The following KNTC1 variants were observed in gnomAD, a reference collection of about 807,000 sequenced individuals.
KNTC1 encodes the protein kinetochore associated 1.
A neutral mutation model predicts 314.4 loss-of-function variants in KNTC1; 253 were observed. That is an observed-to-expected ratio of 0.80 (90% CI 0.73 to 0.89). The LOEUF (loss-of-function observed/expected upper bound fraction) is 0.89. Ranked by LOEUF, KNTC1 falls within the 40% of genes least tolerant of loss-of-function variation. The probability of loss-of-function intolerance (pLI) is 0.00; values close to 1 mark genes in which losing one functional copy is unlikely to be tolerated. For missense variants in KNTC1, 2,475 were observed against 2,572.9 expected, an observed-to-expected ratio of 0.96 and a Z score of 0.82; for synonymous variants, 901 against 901.4, an observed-to-expected ratio of 1.00 and a Z score of 0.01.
intron 48 of KNTC1, among the ~76,000 whole-genome samples, chr12:122,604,086 G>GAC (rs149481197): frequency 2.3e-4 from 35 of 150,548 alleles, no homozygotes; most frequent in East Asian, 9.7e-4. Context: ...AACACAGACT[G>GAC]ACACACACAC....
chr12:122,597,094 C>G (rs1046809502), intron 43 of KNTC1: 4 of 152,188 alleles, frequency 2.6e-5, no homozygotes, highest in Admixed American at 2.6e-4. Context: ...CTGCAGAAGA[C>G]ATCCTTACTA....
chr12:122,580,839 T>C (rs1437036133), intron 33 of KNTC1, among the ~76,000 whole-genome samples, 169 bp downstream of exon 33: 2 of 152,100 alleles, frequency 1.3e-5, no homozygotes, highest in Admixed American at 1.3e-4. Flanking sequence ...TCATCCTGGC[T>C]AACACGGTGA....
At chr12:122,532,967 A>C (rs1487697515) in intron 2 of KNTC1, among the ~76,000 whole-genome samples, 1 of 152,160 alleles carries the variant, frequency 6.6e-6, no homozygotes, top group African/African-American at 2.4e-5. Flanking sequence ...AGTCCCAGCT[A>C]CTCAGGCTGA....
intron 48 of KNTC1, 130 bp downstream of exon 48, chr12:122,603,373 A>G: frequency 1.4e-6 from 1 of 727,726 alleles, no homozygotes; most frequent in Non-Finnish European, 2.2e-6. Context: ...GAATGCTGAA[A>G]CGCTCAAGGG....
At chr12:122,547,599 C>G (rs962423309) in intron 11 of KNTC1, 69 bp downstream of exon 11, 9 of 989,668 alleles carry the variant, frequency 9.1e-6, no homozygotes. Flanking sequence ...TGGTTTTGTT[C>G]AGGTCATTTA....
At position 122,551,363 on chromosome 12, in the gene KNTC1, G is replaced by A; in HGVS notation, c.1130+1G>A. ...AAGGAGTTTGCAAAAATGATCCAAAGTAGGTCATGTTTTACCGTGTTAAGT... is the reference window on the plus strand; with the variant it reads ...AAGGAGTTTGCAAAAATGATCCAAAATAGGTCATGTTTTACCGTGTTAAGT... On this transcript the variant is annotated splice_donor_variant, in intron 14 of 63. Coordinates refer to ENST00000333479, the MANE Select transcript of KNTC1 (RefSeq NM_014708.6). LOFTEE classifies it high-confidence loss of function. The A allele has an allele frequency of 6.3e-7, 1 of 1,594,992 alleles. No individual in the cohort carries two copies. The highest frequency in any genetic ancestry group is 2.2e-5 in the East Asian group (1 of 44,658).
Position 122,618,371 on chromosome 12 carries a change from G to T in KNTC1, c.6059G>T (p.Arg2020Leu), listed in dbSNP as rs375343576. ...CCCTACTTCAGCAAAGCGTGGCAGC[G>T]TGTGATACAGATACCACTGCTTTCA... ...QVPYFSKAWQRVIQIPLLSAS... is the reference protein window; with the variant it reads ...QVPYFSKAWQLVIQIPLLSAS... The change falls in exon 58 of 64, where the codon CGT (arginine) becomes CTT (leucine). Residue 2020 changes from arginine to leucine, a missense_variant. Physicochemically the swap from Arg to Leu is moderately radical, Grantham distance 102. Transcript: ENST00000333479. 4.3e-6 allele frequency: 7 copies of T among 1,613,752 alleles called. No homozygotes were observed. In the South Asian group the frequency reaches 6.6e-5, roughly 15 times the overall value.
intron 47 of KNTC1, 64 bp downstream of exon 47, chr12:122,602,951 A>T (rs1291202064): frequency 6.4e-7 from 1 of 1,554,580 alleles, no homozygotes; most frequent in Non-Finnish European, 8.8e-7. Flanking sequence ...CCCGTATAGA[A>T]GATTTTTCTG....
rs1361824626 is a variant in KNTC1 at position 122,557,210 on chromosome 12, A to C, written c.1273-174A>C. On this transcript the variant is annotated intron_variant, in intron 16 of 63. Transcript: ENST00000333479. ...AGAAATGGTTCCCATACCTGCTAAT[A>C]ATCTGGTTCACCTCTCAGATATCTG... is the stretch of plus-strand genomic sequence containing the variant. Among the ~76,000 whole-genome samples the C allele has an allele frequency of 4.6e-5, 7 of 152,262 alleles. No individual in the cohort carries two copies. The East Asian group carries it at 1.4e-3, about 29-fold the overall frequency.
intron 62 of KNTC1, among the ~76,000 whole-genome samples, chr12:122,624,355 ACCT>A (rs1874776430): frequency 6.6e-6 from 1 of 151,834 alleles, no homozygotes; most frequent in South Asian, 2.1e-4. Context: ...TGCTGCCCCA[ACCT>A]CCTGGGTTCA....
chr12:122,549,299 C>T (rs765893150), intron 12 of KNTC1, among the ~76,000 whole-genome samples: 10 of 152,010 alleles, frequency 6.6e-5, no homozygotes, highest in South Asian at 2.1e-4. Context: ...TCAAGTGATC[C>T]GCCTGCCTCG....
At chr12:122,618,156 G>C (rs1240178879) in intron 57 of KNTC1, among the ~76,000 whole-genome samples, 187 bp from the exon 58 acceptor site, 1 of 152,116 alleles carries the variant, frequency 6.6e-6, no homozygotes, top group Non-Finnish European at 1.5e-5. Context: ...ATTTTTAGTA[G>C]AGACGGGGTT....
chr12:122,615,252 G>A (rs1423276737), intron 56 of KNTC1, among the ~76,000 whole-genome samples, 166 bp downstream of exon 56: 1 of 152,196 alleles, frequency 6.6e-6, no homozygotes, highest in Non-Finnish European at 1.5e-5. Flanking sequence ...AGACCAGAGA[G>A]TGCAAAATCC....
chr12:122,613,465 A>G (rs1421044394), intron 54 of KNTC1, 161 bp from the exon 55 acceptor site: 1 of 677,878 alleles, frequency 1.5e-6, no homozygotes, highest in African/African-American at 1.8e-5. Flanking sequence ...TCTTGTTCAA[A>G]TTGATTTCTA....
At chr12:122,561,713 C>A (rs1487503734) in intron 18 of KNTC1, among the ~76,000 whole-genome samples, 1 of 152,122 alleles carries the variant, frequency 6.6e-6, no homozygotes, top group Non-Finnish European at 1.5e-5. Flanking sequence ...CTCAGCCTTC[C>A]AAAGTGCTAG....
At chr12:122,618,591 T>C (rs765925180) in intron 59 of KNTC1, 46 bp downstream of exon 59, 2 of 1,410,360 alleles carry the variant, frequency 1.4e-6, no homozygotes, top group African/African-American at 2.9e-5. Context: ...AGTTTGTTGC[T>C]TATAAGATTC....
chr12:122,569,938 C>A, intron 22 of KNTC1, 114 bp downstream of exon 22: 3 of 859,076 alleles, frequency 3.5e-6, no homozygotes, highest in Non-Finnish European at 5.3e-6. Flanking sequence ...AAGCTAACAC[C>A]TGTGTTAATT....
intron 4 of KNTC1, among the ~76,000 whole-genome samples, chr12:122,538,952 T>G (rs986054734): frequency 1.3e-5 from 2 of 152,342 alleles, no homozygotes; most frequent in Admixed American, 1.3e-4. Context: ...AGGAAATACT[T>G]GGTGAAAGGC....
In KNTC1 at chr12:122,570,745, A is replaced by G. The variant is rs145721325; in HGVS notation, c.1861-131A>G. On this transcript the variant is annotated intron_variant, in intron 22 of 63. Coordinates refer to ENST00000333479, the MANE Select transcript of KNTC1 (RefSeq NM_014708.6). ...CCTACTACGTGCCCACACACAAGCAAAAAAGACAATCGTGGATAAGAGGTT... is the reference window on the plus strand; with the variant it reads ...CCTACTACGTGCCCACACACAAGCAGAAAAGACAATCGTGGATAAGAGGTT... 734 of 672,902 alleles carry G rather than the reference A, an allele frequency of 1.1e-3. 4 individuals are homozygous for G. The highest frequency in any genetic ancestry group is 1.7e-3 in the Non-Finnish European group (653 of 393,338). The allele number at this position is 672,902 out of a possible 1,614,324, so 41.7% of individuals were successfully genotyped here.
Sources: gnomAD v4.1 joint callset for allele counts (sites outside exome capture counted in the v4.1 genomes callset) on GRCh38, gnomAD v4.1.1 for gene constraint, MANE v1.5 for transcripts, NCBI Gene and HGNC (gene_info 2026-07-23, HGNC 2026-07-21) for gene names.